GRIK2: variants seen among roughly 807,000 people sequenced by gnomAD.
The protein encoded by GRIK2 is glutamate receptor ionotropic, kainate 2.
Under a neutral mutation model 100.3 loss-of-function variants are expected in GRIK2, and 32 were observed. The observed-to-expected ratio is 0.32, with a 90% CI of 0.24 to 0.43. The LOEUF (loss-of-function observed/expected upper bound fraction) is 0.43, where lower values mean the gene tolerates loss of function less well. Ranked by LOEUF, GRIK2 falls within the 20% of genes least tolerant of loss-of-function variation. GRIK2 has a pLI of 1.00. For synonymous variants in GRIK2, 417 were observed against 389.4 expected (o/e 1.07, Z -0.83); for missense variants, 843 against 1,114.9 (o/e 0.76, Z 3.47).
At chr6:101,801,438 A>G (rs1161145689) in intron 8 of GRIK2, among the ~76,000 whole-genome samples, 1 of 152,066 alleles carries the variant, frequency 6.6e-6, no homozygotes, top group Non-Finnish European at 1.5e-5. Context: ...AATCTTGCAC[A>G]TAAGTATCCA....
At chr6:102,036,146 T>C (rs955960854) in intron 15 of GRIK2, among the ~76,000 whole-genome samples, 1 of 151,164 alleles carries the variant, frequency 6.6e-6, no homozygotes, top group Non-Finnish European at 1.5e-5. Context: ...GATAATGAAT[T>C]GTAATTTCCA....
intron 2 of GRIK2, among the ~76,000 whole-genome samples, chr6:101,512,616 A>G (rs1774376348): frequency 1.3e-5 from 2 of 152,176 alleles, no homozygotes; most frequent in Admixed American, 1.3e-4. Context: ...AAATATGTCA[A>G]TAATTAAAAT....
rs190162587 is a variant in GRIK2 at position 101,551,873 on chromosome 6, T to C, written c.116-70076T>C. 1.4e-3 allele frequency among the ~76,000 whole-genome samples: 208 copies of C among 152,324 alleles called. 3 individuals are homozygous for C. Among genetic ancestry groups the C allele is most frequent in the Admixed American group, 0.012 (183 of 15,290 alleles). On this transcript the variant is annotated intron_variant, in intron 2 of 16. Coordinates refer to ENST00000369134, the MANE Select transcript of GRIK2 (RefSeq NM_021956.5). ...TACTAGACAAAACATTATTATGTTA[T>C]GGCTTCTTGCTTCCTGATATGGTGG...
chr6:101,982,980 A>C (rs2128489893), intron 14 of GRIK2, among the ~76,000 whole-genome samples: 1 of 151,976 alleles, frequency 6.6e-6, no homozygotes, highest in Middle Eastern at 3.4e-3. Context: ...TTAGAGGGGA[A>C]AAACATGCCT....
chr6:101,626,907 A>C (rs1780466057), intron 4 of GRIK2, among the ~76,000 whole-genome samples: 1 of 152,034 alleles, frequency 6.6e-6, no homozygotes, highest in Non-Finnish European at 1.5e-5. Context: ...GATGAAAGAT[A>C]GATGTAGTAA....
intron 7 of GRIK2, among the ~76,000 whole-genome samples, chr6:101,767,754 T>C (rs1408631169): frequency 1.3e-5 from 2 of 152,316 alleles, no homozygotes; most frequent in East Asian, 3.8e-4. Context: ...TATAATTCTG[T>C]ACTATTACAA....
At chr6:101,448,575 C>G (rs936747396) in intron 2 of GRIK2, among the ~76,000 whole-genome samples, 12 of 151,458 alleles carry the variant, frequency 7.9e-5, no homozygotes, top group African/African-American at 2.4e-4. Context: ...GAAATACTTG[C>G]AACATATATT....
At chr6:101,790,428 T>A (rs1053266719) in intron 7 of GRIK2, among the ~76,000 whole-genome samples, 2 of 152,080 alleles carry the variant, frequency 1.3e-5, no homozygotes, top group Non-Finnish European at 2.9e-5. Flanking sequence ...GGTTGTTGAA[T>A]TTTGTCAAAG....
At chr6:101,718,194 A>G (rs868077521) in intron 7 of GRIK2, among the ~76,000 whole-genome samples, 51 of 151,974 alleles carry the variant, frequency 3.4e-4, no homozygotes, top group Middle Eastern at 6.8e-3. Flanking sequence ...AATTTCACTT[A>G]TCTTATTCTA....
At chr6:101,958,282 T>TGTGTGTGTGTGTGTGTGTGTGTGTGTGG (rs1562511065) in intron 14 of GRIK2, among the ~76,000 whole-genome samples, 1 of 151,478 alleles carries the variant, frequency 6.6e-6, no homozygotes, top group Non-Finnish European at 1.5e-5. Context: ...TGTGTGTGTG[T>TGTGTGTGTGTGTGTGTGTGTGTGTGTGG]GGGTCCATTG....
chr6:101,525,728 G>T (rs1582642677), intron 2 of GRIK2, among the ~76,000 whole-genome samples: 1 of 152,094 alleles, frequency 6.6e-6, no homozygotes, highest in Non-Finnish European at 1.5e-5. Flanking sequence ...AAATAAGTTC[G>T]CTGTGAATTT....
At chr6:101,774,840 A>G (rs1174656304) in intron 7 of GRIK2, among the ~76,000 whole-genome samples, 3 of 148,248 alleles carry the variant, frequency 2.0e-5, no homozygotes, top group Non-Finnish European at 4.4e-5. Flanking sequence ...TGCTTGCGGA[A>G]TGGTACATTT....
chr6:101,443,646 A>T lies in GRIK2; in HGVS notation c.115+44254A>T, dbSNP rs145353754. On this transcript the variant is annotated intron_variant, in intron 2 of 16. Coordinates refer to ENST00000369134, the MANE Select transcript of GRIK2 (RefSeq NM_021956.5). Reference sequence around the variant, plus strand: ...TGATTAATATTATTATATATCAGTGAAAATTATTTCTGAAACTTTTAGTAG... The same window carrying T: ...TGATTAATATTATTATATATCAGTGTAAATTATTTCTGAAACTTTTAGTAG... 2.0e-5 allele frequency among the ~76,000 whole-genome samples: 3 copies of T among 152,186 alleles called. No individual in the cohort carries two copies. In the South Asian group the frequency reaches 6.2e-4, roughly 32 times the overall value.
rs571111652 is a variant in GRIK2 at position 101,661,959 on chromosome 6, T to C, written c.542-14664T>C. On this transcript the variant is annotated intron_variant, in intron 4 of 16. Transcript: ENST00000369134. ...TGATCTTATAACAAGAAAATTTGTT[T>C]ATATCATTCTTAATTTCTTCAGTGA... Among the ~76,000 whole-genome samples, 4 of 152,278 alleles carry C rather than the reference T, an allele frequency of 2.6e-5. No individual in the cohort carries two copies. In the East Asian group the frequency reaches 5.8e-4, roughly 22 times the overall value.
intron 7 of GRIK2, among the ~76,000 whole-genome samples, chr6:101,738,803 T>G (rs577528357): frequency 4.6e-5 from 7 of 152,206 alleles, no homozygotes; most frequent in African/African-American, 1.7e-4. Flanking sequence ...GTCTCTTGGG[T>G]GGCAAAATCA....
At chr6:102,004,131 T>C (rs1401317042) in intron 14 of GRIK2, among the ~76,000 whole-genome samples, 1 of 151,490 alleles carries the variant, frequency 6.6e-6, no homozygotes, top group African/African-American at 2.4e-5. Flanking sequence ...TTGTTCATAC[T>C]CCGTTTTTGA....
At position 101,585,086 on chromosome 6, in the gene GRIK2, T is replaced by G. The variant is rs551168670; in HGVS notation, c.116-36863T>G. Among the ~76,000 whole-genome samples the G allele has an allele frequency of 2.0e-4, 30 of 152,126 alleles. No homozygotes were observed. The South Asian group carries it at 3.3e-3, about 17-fold the overall frequency. ...CTTATTTCTCAGCTATATGAATAAT[T>G]GAGCAAGTTTATAATAATCTCCTTA... On this transcript the variant is annotated intron_variant, in intron 2 of 16. Transcript: ENST00000369134.
At chr6:101,758,592 A>G (rs952810060) in intron 7 of GRIK2, among the ~76,000 whole-genome samples, 1 of 152,330 alleles carries the variant, frequency 6.6e-6, no homozygotes, top group South Asian at 2.1e-4. Context: ...TGAGTGAAAG[A>G]ACACCAGTTT....
intron 15 of GRIK2, among the ~76,000 whole-genome samples, chr6:102,041,471 G>GTT (rs1382931858): frequency 6.6e-6 from 1 of 151,488 alleles, no homozygotes; most frequent in Admixed American, 6.6e-5. Context: ...CTAGTCAAAT[G>GTT]TTTGTTCTAA....
Sources: allele counts gnomAD v4.1 joint callset (sites outside exome capture counted in the v4.1 genomes callset), GRCh38; gene constraint gnomAD v4.1.1; transcripts MANE v1.5; gene names NCBI Gene and HGNC (gene_info 2026-07-23, HGNC 2026-07-21).